The following MMP26 variants were observed in gnomAD, a reference collection of about 807,000 sequenced individuals.
The protein encoded by MMP26 is matrix metallopeptidase 26.
In MMP26, 33 loss-of-function variants were observed where a neutral mutation model predicts 31.0. That is an observed-to-expected ratio of 1.06 (90% CI 0.81 to 1.42). The LOEUF (loss-of-function observed/expected upper bound fraction) is 1.42. MMP26 is among the 40% of genes most tolerant of loss of function. MMP26 has a pLI of 0.00. For missense variants in MMP26, 347 were observed against 316.1 expected, an observed-to-expected ratio of 1.10 and a Z score of -0.74; for synonymous variants, 122 against 114.9, an observed-to-expected ratio of 1.06 and a Z score of -0.40.
intron 1 of MMP26, chr11:4,723,288 G>A (rs563617845): frequency 2.0e-6 from 2 of 1,022,586 alleles, no homozygotes; most frequent in Admixed American, 1.7e-5. Context: ...TGCGCTGCGG[G>A]TCATCCTCCT....
chr11:4,946,800 C>G (rs1385004128), intron 2 of MMP26: 2 of 1,586,926 alleles, frequency 1.3e-6, no homozygotes, highest in Non-Finnish European at 1.7e-6. Flanking sequence ...AATTCCTGGG[C>G]AAAGCAGGCA....
At position 4,954,240 on chromosome 11, in the gene MMP26, T is replaced by C. The variant is rs1846403697; in HGVS notation, c.-144-33828T>C. ...CTTGGTGACTTCTAGGGTGGGGAAATGATGGGGCGGGGATTGGACTGAAAA... is the reference window on the plus strand; with the variant it reads ...CTTGGTGACTTCTAGGGTGGGGAAACGATGGGGCGGGGATTGGACTGAAAA... On this transcript the variant is annotated intron_variant, in intron 2 of 7. Transcript: ENST00000380390. Among the ~76,000 whole-genome samples, 2 of 122,192 alleles carry C rather than the reference T, an allele frequency of 1.6e-5. 1 individual carries two copies. The highest frequency in any genetic ancestry group is 5.0e-4 in the South Asian group (2 of 4,040). 80.2% of individuals were successfully genotyped at this position (122,192 alleles called of 152,430 possible).
chr11:4,842,056 A>G (rs772197866), intron 2 of MMP26, among the ~76,000 whole-genome samples: 2 of 152,230 alleles, frequency 1.3e-5, no homozygotes, highest in Non-Finnish European at 2.9e-5. Context: ...TTATAACACT[A>G]TAACTGTGGT....
At chr11:4,868,865 C>G (rs1344835934) in intron 2 of MMP26, among the ~76,000 whole-genome samples, 1 of 152,146 alleles carries the variant, frequency 6.6e-6, no homozygotes, top group Non-Finnish European at 1.5e-5. Flanking sequence ...GGTACCAAAA[C>G]AGAGATACAG....
intron 2 of MMP26, among the ~76,000 whole-genome samples, chr11:4,925,812 T>C (rs1439384205): frequency 6.6e-6 from 1 of 151,970 alleles, no homozygotes; most frequent in Non-Finnish European, 1.5e-5. Flanking sequence ...TGTTTGTTTG[T>C]TTGTTTGTTT....
chr11:4,720,488 G>C (rs1847995658), intron 1 of MMP26, among the ~76,000 whole-genome samples: 1 of 152,176 alleles, frequency 6.6e-6, no homozygotes, highest in Non-Finnish European at 1.5e-5. Flanking sequence ...TCACACCAGT[G>C]ACTAACACAG....
At chr11:4,924,556 G>C (rs963359987) in intron 2 of MMP26, among the ~76,000 whole-genome samples, 4 of 152,126 alleles carry the variant, frequency 2.6e-5, no homozygotes, top group Non-Finnish European at 4.4e-5. Context: ...AATAATAGTA[G>C]GCTAATCTGA....
chr11:4,745,065 A>G (rs1445540602), intron 1 of MMP26, among the ~76,000 whole-genome samples: 1 of 152,160 alleles, frequency 6.6e-6, no homozygotes, highest in Non-Finnish European at 1.5e-5. Context: ...TTGACTTGCT[A>G]TGACTTATTA....
chr11:4,843,762 GA>G (rs951042018), intron 2 of MMP26, among the ~76,000 whole-genome samples: 1 of 152,124 alleles, frequency 6.6e-6, no homozygotes, highest in African/African-American at 2.4e-5. Flanking sequence ...TTTATCCCCA[GA>G]AAAATAGGTT....
intron 2 of MMP26, chr11:4,860,256 C>G (rs1229153772): frequency 2.1e-6 from 1 of 471,132 alleles, no homozygotes; most frequent in Non-Finnish European, 4.4e-6. Context: ...GGATGAAGAA[C>G]ATCTGCATGA....
At chr11:4,990,388 A>C (rs1846979834) in intron 4 of MMP26, among the ~76,000 whole-genome samples, 2 of 152,138 alleles carry the variant, frequency 1.3e-5, no homozygotes, top group Non-Finnish European at 1.5e-5. Flanking sequence ...ATAATTTGGG[A>C]TATTGTTAAA....
At chr11:4,887,498 TTTC>T (rs1276381066) in intron 2 of MMP26, among the ~76,000 whole-genome samples, 1 of 152,178 alleles carries the variant, frequency 6.6e-6, no homozygotes, top group Non-Finnish European at 1.5e-5. Context: ...TTGTTGTTTC[TTTC>T]ATGAAAATAT....
chr11:4,771,148 C>G (rs4569001), intron 2 of MMP26, among the ~76,000 whole-genome samples: 3 of 151,592 alleles, frequency 2.0e-5, no homozygotes, highest in African/African-American at 7.3e-5. Context: ...GGACAGAATT[C>G]GAGAAATTGA....
At chr11:4,847,698 C>A (rs903581587) in intron 2 of MMP26, 4 of 151,896 alleles carry the variant, frequency 2.6e-5, no homozygotes, top group African/African-American at 9.7e-5. Context: ...TTTTCCTGGC[C>A]TGATCAGAGT....
intron 2 of MMP26, chr11:4,955,715 A>C: frequency 6.4e-7 from 1 of 1,562,722 alleles, no homozygotes; most frequent in Non-Finnish European, 8.7e-7. Flanking sequence ...AATGGACATG[A>C]TTCATTCATA....
intron 2 of MMP26, chr11:4,924,210 T>C: frequency 6.2e-7 from 1 of 1,614,072 alleles, no homozygotes; most frequent in Non-Finnish European, 8.5e-7. Context: ...ATGGTGAGGT[T>C]CCCCAAGATA....
intron 2 of MMP26, among the ~76,000 whole-genome samples, chr11:4,797,191 CA>C (rs1849119121): frequency 6.6e-6 from 1 of 152,172 alleles, no homozygotes; most frequent in African/African-American, 2.4e-5. Flanking sequence ...GAAACAATTA[CA>C]AAACATGACT....
chr11:4,990,366 G>A (rs1846979547), intron 4 of MMP26, among the ~76,000 whole-genome samples: 1 of 151,872 alleles, frequency 6.6e-6, no homozygotes, highest in Non-Finnish European at 1.5e-5. Context: ...TTAGACTTTA[G>A]CTGACCTAAG....
intron 1 of MMP26, among the ~76,000 whole-genome samples, chr11:4,766,478 G>A (rs1848630235): frequency 7.0e-6 from 1 of 143,782 alleles, no homozygotes; most frequent in Non-Finnish European, 1.5e-5. Context: ...ACCTGCTTGG[G>A]TTGAGTACAG....
Sources: allele counts gnomAD v4.1 joint callset (sites outside exome capture counted in the v4.1 genomes callset), GRCh38; gene constraint gnomAD v4.1.1; transcripts MANE v1.5; gene names NCBI Gene and HGNC (gene_info 2026-07-23, HGNC 2026-07-21).